The following PAPSS2 variants were observed in gnomAD, a reference collection of about 807,000 sequenced individuals.
The protein encoded by PAPSS2 is bifunctional 3'-phosphoadenosine 5'-phosphosulfate synthase 2.
In PAPSS2, 61 loss-of-function variants were observed where a neutral mutation model predicts 66.5. That is an observed-to-expected ratio of 0.92 (90% CI 0.75 to 1.14). The LOEUF is 1.14. Among genes scored for constraint, PAPSS2 ranks in the 50% most tolerant of loss-of-function variants. The probability of loss-of-function intolerance (pLI) is 0.00; values close to 1 mark genes in which losing one functional copy is unlikely to be tolerated. For missense variants in PAPSS2, 708 were observed against 789.6 expected (o/e 0.90, Z 1.24); for synonymous variants, 289 against 287.5 (o/e 1.01, Z -0.05).
intron 1 of PAPSS2, among the ~76,000 whole-genome samples, chr10:87,690,905 G>A (rs1054925000): frequency 5.3e-5 from 8 of 152,094 alleles, no homozygotes; most frequent in Non-Finnish European, 1.2e-4. Context: ...GTTGGCCACT[G>A]GTGGAATCAG....
chr10:87,745,759 TA>T, intron 12 of PAPSS2, 72 bp from the exon 13 acceptor site: 1 of 1,520,474 alleles, frequency 6.6e-7, no homozygotes. Context: ...TCAAAAACCA[TA>T]ACCTACTCCA....
intron 8 of PAPSS2, among the ~76,000 whole-genome samples, chr10:87,724,673 A>AT (rs1853636473): frequency 7.1e-6 from 1 of 141,106 alleles, no homozygotes; most frequent in Admixed American, 7.1e-5. Context: ...TAAATTATTT[A>AT]TTATTATGGA....
chr10:87,724,419 C>CCACACTAAAGAA (rs1272721593), intron 8 of PAPSS2, among the ~76,000 whole-genome samples: 1 of 151,692 alleles, frequency 6.6e-6, no homozygotes, highest in African/African-American at 2.4e-5. Context: ...TTGTTGGCTC[C>CCACACTAAAGAA]CACACTAAAG....
intron 1 of PAPSS2, among the ~76,000 whole-genome samples, chr10:87,667,912 T>C (rs1826949534): frequency 6.6e-6 from 1 of 152,264 alleles, no homozygotes; most frequent in South Asian, 2.1e-4. Context: ...TATTGATTTA[T>C]TATGAAAAGT....
chr10:87,660,413 C>T, intron 1 of PAPSS2: 1 of 295,732 alleles, frequency 3.4e-6, no homozygotes. Context: ...CAGGTCTGGT[C>T]GCTGGGGTTT....
rs145179032 is a variant in PAPSS2 at position 87,706,018 on chromosome 10, C to T, written c.28-3178C>T. 8.7e-3 allele frequency among the ~76,000 whole-genome samples: 1,286 copies of T among 148,260 alleles called. 27 individuals are homozygous for T. Among genetic ancestry groups the T allele is most frequent in the African/African-American group, 0.03 (1,213 of 39,912 alleles). ...GAGTGCTGGGATTACAGGTGTGAGC[C>T]GCCGCGTCTGGCCAGGTTGTCTTTT... is the stretch of plus-strand genomic sequence containing the variant. On this transcript the variant is annotated intron_variant, in intron 1 of 12. Coordinates refer to ENST00000456849, the MANE Select transcript of PAPSS2 (RefSeq NM_001015880.2).
At chr10:87,676,930 A>T (rs190019977) in intron 1 of PAPSS2, among the ~76,000 whole-genome samples, 2,511 of 143,242 alleles carry the variant, frequency 0.018, 79 homozygotes, top group African/African-American at 0.062. Flanking sequence ...GCAGTGGCTC[A>T]TGCCTATAAT....
intron 6 of PAPSS2, 22 bp from the exon 7 acceptor site, chr10:87,715,710 A>G: frequency 1.4e-6 from 2 of 1,479,954 alleles, no homozygotes; most frequent in Non-Finnish European, 1.9e-6. Context: ...GAAAATGTTC[A>G]ACTACTTTTT....
chr10:87,670,578 A>G (rs74145929), intron 1 of PAPSS2, among the ~76,000 whole-genome samples: 2,468 of 141,432 alleles, frequency 0.017, 59 homozygotes, highest in African/African-American at 0.067. Flanking sequence ...AAGATGGAGC[A>G]CACACACACA....
At chr10:87,694,379 C>T (rs1291889262) in intron 1 of PAPSS2, among the ~76,000 whole-genome samples, 1 of 152,216 alleles carries the variant, frequency 6.6e-6, no homozygotes, top group Admixed American at 6.5e-5. Flanking sequence ...TAAGTCTACA[C>T]CACCCAGGCA....
chr10:87,700,072 A>G (rs989880004), intron 1 of PAPSS2, among the ~76,000 whole-genome samples: 1 of 152,040 alleles, frequency 6.6e-6, no homozygotes, highest in African/African-American at 2.4e-5. Context: ...ATTAATGTTA[A>G]CTCACTCTGT....
chr10:87,732,323 A>C (rs1853740112), intron 9 of PAPSS2, among the ~76,000 whole-genome samples: 1 of 152,108 alleles, frequency 6.6e-6, no homozygotes, highest in African/African-American at 2.4e-5. Flanking sequence ...GGAGTTTGAG[A>C]TCAGCCTTGG....
intron 1 of PAPSS2, chr10:87,704,079 A>G: frequency 4.2e-6 from 2 of 474,214 alleles, no homozygotes; most frequent in South Asian, 3.1e-5. Flanking sequence ...CAGTTCAAGT[A>G]TAATTCAAAA....
chr10:87,743,677 G>A (rs746125203), intron 11 of PAPSS2, 36 bp downstream of exon 11: 3 of 1,612,476 alleles, frequency 1.9e-6, no homozygotes, highest in Non-Finnish European at 2.5e-6. Flanking sequence ...TGAGACTCAG[G>A]AATTCAGACT....
chr10:87,731,105 G>T (rs1255162084), intron 9 of PAPSS2, among the ~76,000 whole-genome samples: 1 of 152,198 alleles, frequency 6.6e-6, no homozygotes, highest in Non-Finnish European at 1.5e-5. Context: ...AAGCTTCAAA[G>T]GACAGGCTAA....
At chr10:87,713,633 GT>G (rs1371743267) in intron 3 of PAPSS2, among the ~76,000 whole-genome samples, 1 of 152,180 alleles carries the variant, frequency 6.6e-6, no homozygotes, top group African/African-American at 2.4e-5. Context: ...TGTAATTTTA[GT>G]TGTCGGAAAA....
At chr10:87,726,114 G>T (rs1853656537) in intron 8 of PAPSS2, among the ~76,000 whole-genome samples, 1 of 152,172 alleles carries the variant, frequency 6.6e-6, no homozygotes, top group Admixed American at 6.5e-5. Context: ...GTATTTGATA[G>T]CACAACAGGA....
At chr10:87,710,324 G>A (rs888018718) in intron 2 of PAPSS2, among the ~76,000 whole-genome samples, 4 of 152,058 alleles carry the variant, frequency 2.6e-5, no homozygotes, top group African/African-American at 7.3e-5. Context: ...ACTGTGCATC[G>A]AAACAACTTT....
chr10:87,714,963 T>C lies in PAPSS2; in HGVS notation c.640-22T>C, dbSNP rs1316252334. On this transcript the variant is annotated intron_variant, in intron 5 of 12. Coordinates refer to ENST00000456849, the MANE Select transcript of PAPSS2 (RefSeq NM_001015880.2). ...ATTCTTTTTACAGTTTTCAAGTTTTTACCAATGCTGTTTCATTTCAGAACA... is the reference window on the plus strand; with the variant it reads ...ATTCTTTTTACAGTTTTCAAGTTTTCACCAATGCTGTTTCATTTCAGAACA... 6 of 1,507,926 alleles carry C rather than the reference T, an allele frequency of 4.0e-6. No homozygotes were observed. In the Admixed American group the frequency reaches 8.4e-5, roughly 21 times the overall value. 93.4% of individuals were successfully genotyped at this position (1,507,926 alleles called of 1,614,324 possible). A position where few individuals can be genotyped will look rare whatever the true frequency, so the allele number is the denominator to read the frequency against.
Sources: allele counts gnomAD v4.1 joint callset (sites outside exome capture counted in the v4.1 genomes callset), GRCh38; gene constraint gnomAD v4.1.1; transcripts MANE v1.5; gene names NCBI Gene and HGNC (gene_info 2026-07-23, HGNC 2026-07-21).